LAMB1: variants seen among roughly 807,000 people sequenced by gnomAD.
LAMB1 encodes laminin subunit beta-1.
In LAMB1, 121 loss-of-function variants were observed where a neutral mutation model predicts 222.3. The ratio of observed to expected loss-of-function variants is 0.54; its 90% CI spans 0.47 to 0.63. The LOEUF (loss-of-function observed/expected upper bound fraction) is 0.63. LAMB1 is among the 30% of genes least tolerant of loss of function. LAMB1 has a pLI of 0.00. For missense variants in LAMB1, 2,172 were observed against 2,240.8 expected, an observed-to-expected ratio of 0.97 and a Z score of 0.62; for synonymous variants, 794 against 807.2, an observed-to-expected ratio of 0.98 and a Z score of 0.28.
chr7:108,000,000 C>CA (rs2034353168), intron 3 of LAMB1: 1 of 152,040 alleles, frequency 6.6e-6, no homozygotes, highest in Non-Finnish European at 1.5e-5. Context: ...GCTTTTAATA[C>CA]AAACAGTGTG....
At chr7:107,961,821 C>T in intron 15 of LAMB1, 145 bp from the exon 16 acceptor site, 1 of 958,134 alleles carries the variant, frequency 1.0e-6, no homozygotes, top group South Asian at 1.6e-5. Context: ...ACCTCTGCTA[C>T]TCCCCTGGTT....
chr7:107,938,372 C>T (rs2032899956), intron 25 of LAMB1, among the ~76,000 whole-genome samples: 1 of 151,956 alleles, frequency 6.6e-6, no homozygotes, highest in Non-Finnish European at 1.5e-5. Context: ...TTATATGACT[C>T]ACAGAAGGCT....
intron 3 of LAMB1, among the ~76,000 whole-genome samples, chr7:108,000,601 T>C (rs1302472906): frequency 1.3e-5 from 2 of 152,220 alleles, no homozygotes; most frequent in African/African-American, 4.8e-5. Flanking sequence ...TGGAATGCAG[T>C]GGACTGATTA....
chr7:107,959,606 A>T (rs1490853049), intron 19 of LAMB1, 85 bp downstream of exon 19: 1 of 1,612,862 alleles, frequency 6.2e-7, no homozygotes. Flanking sequence ...TCAGGAGGGA[A>T]GCATCGGCTC....
rs553021113 is a variant in LAMB1 at position 107,977,301 on chromosome 7, G to A, written c.1000+746C>T. ...GCATCAGAATCACTGTTTGTGGAGT[G>A]GGGAGGGGCAGTGGTGTTGCCGGCT... On this transcript the variant is annotated intron_variant, in intron 9 of 33. Coordinates refer to ENST00000222399, the MANE Select transcript of LAMB1 (RefSeq NM_002291.3). 1.4e-3 allele frequency among the ~76,000 whole-genome samples: 208 copies of A among 152,224 alleles called. 2 individuals are homozygous for A. Among genetic ancestry groups the A allele is most frequent in the African/African-American group, 4.9e-3 (202 of 41,530 alleles).
At chr7:107,935,928 G>A (rs2032836668) in intron 26 of LAMB1, among the ~76,000 whole-genome samples, 1 of 152,166 alleles carries the variant, frequency 6.6e-6, no homozygotes, top group Admixed American at 6.5e-5. Context: ...CAAACATCCA[G>A]TTCTTTATAA....
chr7:107,961,954 G>A (rs2033514153), intron 15 of LAMB1, among the ~76,000 whole-genome samples: 1 of 152,108 alleles, frequency 6.6e-6, no homozygotes, highest in South Asian at 2.1e-4. Flanking sequence ...TGCTTGAAAT[G>A]CTTCAATAGC....
chr7:107,975,027 A>T lies in LAMB1; in HGVS notation c.1441T>A (p.Cys481Ser). ...PCDSETGHCY[C>S]KRLVTGQHCD... Reference sequence around the variant, plus strand: ...TGCTGTCCTGTCACCAGACGCTTGCAGTAGCAGTGACCTGTCTCGGAATCA... The same window carrying T: ...TGCTGTCCTGTCACCAGACGCTTGCTGTAGCAGTGACCTGTCTCGGAATCA... The change falls in exon 12 of 34, where the codon TGC becomes AGC. Residue 481 changes from cysteine to serine, a missense_variant. Cys to Ser is a moderately radical substitution (Grantham distance 112, BLOSUM62 -1). Coordinates refer to ENST00000222399, the MANE Select transcript of LAMB1 (RefSeq NM_002291.3). The T allele has an allele frequency of 6.2e-7, 1 of 1,612,650 alleles. No homozygotes were observed. The highest frequency in any genetic ancestry group is 8.5e-7 in the Non-Finnish European group (1 of 1,178,816).
intron 22 of LAMB1, among the ~76,000 whole-genome samples, chr7:107,952,687 A>G (rs1371485802): frequency 6.6e-6 from 1 of 152,176 alleles, no homozygotes; most frequent in Non-Finnish European, 1.5e-5. Context: ...CTAGCATTCC[A>G]CACATGTTTG....
rs766113694 is a variant in LAMB1 at position 107,929,136 on chromosome 7, G to A, written c.4815C>T (p.Ala1605=). The part of the protein sequence containing the change: ...VKEALEEAEK[A]QVAAEKAIKQ... ...TAATTGCCTTCTCTGCTGCGACCTGGGCCTTTTCTGCTTCTTCCAGAGCTT... is the reference window on the plus strand; with the variant it reads ...TAATTGCCTTCTCTGCTGCGACCTGAGCCTTTTCTGCTTCTTCCAGAGCTT... Residue 1605 remains alanine, a synonymous_variant, in exon 31 of 34, where the codon GCC becomes GCT. Coordinates refer to ENST00000222399, the MANE Select transcript of LAMB1 (RefSeq NM_002291.3). 2.5e-6 allele frequency: 4 copies of A among 1,613,852 alleles called. No homozygotes were observed. In the Admixed American group the frequency reaches 6.7e-5, roughly 27 times the overall value.
chr7:107,990,050 G>GT (rs1194125017), intron 5 of LAMB1, among the ~76,000 whole-genome samples: 1 of 150,604 alleles, frequency 6.6e-6, no homozygotes, highest in East Asian at 1.9e-4. Flanking sequence ...TGTTTGTTTT[G>GT]TTTTTTGAGA....
chr7:107,999,424 C>G (rs2034341096), intron 3 of LAMB1, among the ~76,000 whole-genome samples: 2 of 152,136 alleles, frequency 1.3e-5, no homozygotes, highest in Non-Finnish European at 2.9e-5. Context: ...ACATAGAGAC[C>G]CACATGTATG....
chr7:107,925,823 G>A (rs1175516940), intron 32 of LAMB1, among the ~76,000 whole-genome samples: 1 of 150,620 alleles, frequency 6.6e-6, no homozygotes, highest in Non-Finnish European at 1.5e-5. Flanking sequence ...ATTACTATAT[G>A]CCATGAAGAA....
intron 24 of LAMB1, 177 bp downstream of exon 24, chr7:107,951,049 G>A: frequency 5.2e-6 from 3 of 578,800 alleles, no homozygotes; most frequent in South Asian, 2.1e-5. Flanking sequence ...TTATGGGCAG[G>A]GCTAGATTTG....
Position 107,923,907 on chromosome 7 carries a change from G to GTTGT in LAMB1, c.*40_*43dup. The stretch of plus-strand genomic sequence containing the variant: ...GCATTAAGTCAGTTTTTAAAATGTA[G>GTTGT]TTGTTTTACCTTGTTCACCTCAGCC... On this transcript the variant is annotated 3_prime_UTR_variant, in exon 34 of 34. Transcript: ENST00000222399. 1.3e-6 allele frequency: 2 copies of GTTGT among 1,544,222 alleles called. No individual in the cohort carries two copies. The highest frequency in any genetic ancestry group is 8.7e-7 in the Non-Finnish European group (1 of 1,144,078).
chr7:107,933,873 ACC>A (rs1193305774), intron 27 of LAMB1, among the ~76,000 whole-genome samples: 10 of 152,088 alleles, frequency 6.6e-5, no homozygotes, highest in African/African-American at 2.4e-4. Flanking sequence ...AACCCCACCC[ACC>A]GCCCATGCAT....
intron 29 of LAMB1, 74 bp from the exon 30 acceptor site, chr7:107,929,693 C>A (rs2032659691): frequency 1.7e-6 from 2 of 1,189,350 alleles, no homozygotes; most frequent in South Asian, 2.5e-5. Context: ...ACTTACTGGT[C>A]ATCTACTATG....
At chr7:107,964,884 C>G (rs1246382337) in intron 13 of LAMB1, among the ~76,000 whole-genome samples, 197 bp from the exon 14 acceptor site, 1 of 152,236 alleles carries the variant, frequency 6.6e-6, no homozygotes, top group Non-Finnish European at 1.5e-5. Flanking sequence ...GGCTGAGAAC[C>G]TGGTCTTCTC....
At chr7:107,993,322 C>CGGGGTTTCACCGTATT (rs2034221153) in intron 5 of LAMB1, among the ~76,000 whole-genome samples, 1 of 151,778 alleles carries the variant, frequency 6.6e-6, no homozygotes, top group Non-Finnish European at 1.5e-5. Flanking sequence ...TCAGTAGAGC[C>CGGGGTTTCACCGTATT]GGGGTTTCAC....
Sources: allele counts gnomAD v4.1 joint callset (sites outside exome capture counted in the v4.1 genomes callset), GRCh38; gene constraint gnomAD v4.1.1; transcripts MANE v1.5; gene names NCBI Gene and HGNC (gene_info 2026-07-23, HGNC 2026-07-21).